The following COBLL1 variants were observed in gnomAD, a reference collection of about 807,000 sequenced individuals.
COBLL1 encodes the protein cordon-bleu protein-like 1.
A neutral mutation model predicts 94.8 loss-of-function variants in COBLL1; 50 were observed. The observed-to-expected ratio is 0.53, with a 90% CI of 0.42 to 0.67. The LOEUF is 0.67. COBLL1 is among the 30% of genes least tolerant of loss of function. The probability of loss-of-function intolerance (pLI) is 0.00; values close to 1 mark genes in which losing one functional copy is unlikely to be tolerated. For missense variants in COBLL1, 1,362 were observed against 1,348.7 expected (o/e 1.01, Z -0.15); for synonymous variants, 448 against 473.8 (o/e 0.95, Z 0.71).
chr2:164,762,639 C>T (rs1265535776), intron 2 of COBLL1, among the ~76,000 whole-genome samples: 2 of 151,508 alleles, frequency 1.3e-5, no homozygotes, highest in Non-Finnish European at 2.9e-5. Context: ...TTATTAAAAA[C>T]AGCATAAGGT....
chr2:164,694,966 G>C lies in COBLL1; in HGVS notation c.2426C>G (p.Pro809Arg), dbSNP rs148954553. The stretch of plus-strand genomic sequence containing the variant: ...ATCATCAGGTGAGCTCACAGAACTG[G>C]GCACTTGATGCTCTGTTCTCAGGTT... ...KPNLRTEHQVPSSVSSPDDAM... is the reference protein window; with the variant it reads ...KPNLRTEHQVRSSVSSPDDAM... Residue 809 changes from proline to arginine, a missense_variant, in exon 12 of 14, where the codon CCC becomes CGC. Transcript: ENST00000652658. 3 of 1,613,950 alleles carry C rather than the reference G, an allele frequency of 1.9e-6. No homozygotes were observed. In the Admixed American group the frequency reaches 5.0e-5, roughly 27 times the overall value.
chr2:164,824,120 G>T (rs889251605), intron 2 of COBLL1, among the ~76,000 whole-genome samples: 1 of 152,178 alleles, frequency 6.6e-6, no homozygotes, highest in Non-Finnish European at 1.5e-5. Flanking sequence ...AGTGGCTCAT[G>T]CCTGTAATCC....
chr2:164,707,077 C>T (rs1166791852), intron 7 of COBLL1, among the ~76,000 whole-genome samples: 1 of 152,128 alleles, frequency 6.6e-6, no homozygotes, highest in African/African-American at 2.4e-5. Context: ...CTTACTGCTC[C>T]CTGTGCCTGG....
intron 2 of COBLL1, among the ~76,000 whole-genome samples, chr2:164,817,546 C>T (rs1445885869): frequency 6.6e-6 from 1 of 152,108 alleles, no homozygotes; most frequent in East Asian, 1.9e-4. Flanking sequence ...TACGTTACTC[C>T]TCAATCTCCA....
Position 164,833,598 on chromosome 2 carries a change from C to T in COBLL1, c.41+7558G>A, listed in dbSNP as rs532189126. The stretch of plus-strand genomic sequence containing the variant: ...CCCGAGTAGCTGGGATTACAGGCGC[C>T]CGCCACCACGCCCGGCTAATTTTTT... On this transcript the variant is annotated intron_variant, in intron 2 of 13. Transcript: ENST00000652658. Among the ~76,000 whole-genome samples the T allele has an allele frequency of 1.3e-3, 195 of 151,928 alleles. 3 individuals are homozygous for T. In the South Asian group the frequency reaches 0.016, roughly 13 times the overall value.
chr2:164,786,867 T>C (rs897434680), intron 2 of COBLL1, among the ~76,000 whole-genome samples: 10 of 152,254 alleles, frequency 6.6e-5, no homozygotes, highest in East Asian at 1.9e-4. Context: ...CTTGCCTTAA[T>C]GTATCTTGCT....
At position 164,700,827 on chromosome 2, in the gene COBLL1, A is replaced by G. The variant is rs544902954; in HGVS notation, c.1226-71T>C. ...TCATCACATGCAATTCTGGCAAGGA[A>G]GGAATTTTGAAAAATAATAATTAGC... is the stretch of plus-strand genomic sequence containing the variant. On this transcript the variant is annotated intron_variant, in intron 9 of 13. Coordinates refer to ENST00000652658, the MANE Select transcript of COBLL1 (RefSeq NM_001365672.2). 1.3e-5 allele frequency: 12 copies of G among 907,506 alleles called. No individual in the cohort carries two copies. The South Asian group carries it at 1.9e-4, about 14-fold the overall frequency. 56.2% of individuals were successfully genotyped at this position (907,506 alleles called of 1,614,324 possible). A position where few individuals can be genotyped will look rare whatever the true frequency, so the allele number is the denominator to read the frequency against.
intron 2 of COBLL1, among the ~76,000 whole-genome samples, chr2:164,831,874 C>CA (rs1300187618): frequency 6.6e-6 from 1 of 152,176 alleles, no homozygotes; most frequent in Admixed American, 6.5e-5. Flanking sequence ...TTGCATTCAT[C>CA]TTAGCACAAA....
chr2:164,797,400 G>A (rs79511954), intron 2 of COBLL1, among the ~76,000 whole-genome samples: 76 of 151,874 alleles, frequency 5.0e-4, no homozygotes, highest in Non-Finnish European at 9.6e-4. Flanking sequence ...GCATAGTTTT[G>A]GGTCCCTTTA....
At chr2:164,812,856 G>T (rs918004423) in intron 2 of COBLL1, among the ~76,000 whole-genome samples, 7 of 152,022 alleles carry the variant, frequency 4.6e-5, no homozygotes, top group Non-Finnish European at 7.4e-5. Context: ...GCACCCTACT[G>T]TATACTAAAA....
intron 2 of COBLL1, among the ~76,000 whole-genome samples, chr2:164,770,741 A>T (rs1226460789): frequency 1.3e-5 from 2 of 152,150 alleles, no homozygotes; most frequent in African/African-American, 4.8e-5. Context: ...GTGGACCTAG[A>T]AACAAAGGCA....
rs752060924 is a variant in COBLL1 at position 164,722,332 on chromosome 2, C to CA, written c.760-22dup. The stretch of plus-strand genomic sequence containing the variant: ...GCAGTCTAGTAAAGAATGACAAAGA[C>CA]AAAATCTAGTAATTTCAAGATATTA... On this transcript the variant is annotated intron_variant, in intron 6 of 13. Coordinates refer to ENST00000652658, the MANE Select transcript of COBLL1 (RefSeq NM_001365672.2). The CA allele has an allele frequency of 7.6e-6, 12 of 1,589,030 alleles. No individual in the cohort carries two copies. In the African/African-American group the frequency reaches 1.1e-4, roughly 14 times the overall value.
At chr2:164,821,046 C>T (rs867756963) in intron 2 of COBLL1, among the ~76,000 whole-genome samples, 14 of 152,062 alleles carry the variant, frequency 9.2e-5, no homozygotes, top group African/African-American at 3.4e-4. Context: ...CATCACCATG[C>T]CCAGCTAATT....
Position 164,691,281 on chromosome 2 carries a change from T to A in COBLL1, c.3300+940A>T, listed in dbSNP as rs190944642. 3.9e-3 allele frequency among the ~76,000 whole-genome samples: 596 copies of A among 152,308 alleles called. 1 individual carries two copies. The highest frequency in any genetic ancestry group is 0.013 in the African/African-American group (556 of 41,574). The stretch of plus-strand genomic sequence containing the variant: ...AAGCCTTTCCCCATTTCTTTTCCTA[T>A]CTTTGTAGCATTCCTGTTCCTTTGC... On this transcript the variant is annotated intron_variant, in intron 13 of 13. Coordinates refer to ENST00000652658, the MANE Select transcript of COBLL1 (RefSeq NM_001365672.2).
rs1558960701 is a variant in COBLL1 at position 164,730,005 on chromosome 2, G to C, written c.341C>G (p.Pro114Arg). 1 of 1,613,986 alleles carries C rather than the reference G, an allele frequency of 6.2e-7. No homozygotes were observed. The highest frequency in any genetic ancestry group is 1.1e-5 in the South Asian group (1 of 91,082). Residue 114 changes from proline (P) to arginine (R), a missense_variant, in exon 4 of 14, where the codon CCA becomes CGA. By Grantham distance (103) the Pro-to-Arg change is moderately radical. Transcript: ENST00000652658. ...SAEQNHIKFK[P>R]NTPIGMLEVE... The stretch of plus-strand genomic sequence containing the variant: ...CTCCAACATTCCTATTGGTGTGTTT[G>C]GCTTAAATTTAATGTGGTTCTGTTC...
intron 5 of COBLL1, chr2:164,724,062 G>T (rs1372444109): frequency 6.6e-6 from 1 of 152,266 alleles, no homozygotes; most frequent in African/African-American, 2.4e-5. Flanking sequence ...CAAAGTGCTA[G>T]GATTACAGGC....
intron 2 of COBLL1, among the ~76,000 whole-genome samples, chr2:164,818,357 T>C (rs1684946452): frequency 6.6e-6 from 1 of 150,460 alleles, no homozygotes; most frequent in East Asian, 2.0e-4. Context: ...TATGTGCATA[T>C]ACGTATGTGT....
chr2:164,677,097 C>T (rs1031414282), downstream of COBLL1, among the ~76,000 whole-genome samples: 2 of 152,102 alleles, frequency 1.3e-5, no homozygotes, highest in African/African-American at 4.8e-5. Context: ...TTAAAAAACT[C>T]TTAGCAAACA....
intron 2 of COBLL1, among the ~76,000 whole-genome samples, chr2:164,816,851 C>T (rs535690067): frequency 2.2e-4 from 33 of 152,112 alleles, no homozygotes; most frequent in Non-Finnish European, 3.5e-4. Flanking sequence ...TCTCAAGGCA[C>T]TTTGTACCAC....
Sources: allele counts gnomAD v4.1 joint callset (sites outside exome capture counted in the v4.1 genomes callset), GRCh38; gene constraint gnomAD v4.1.1; transcripts MANE v1.5; gene names NCBI Gene and HGNC (gene_info 2026-07-23, HGNC 2026-07-21).